KIAA1671: variants seen among roughly 807,000 people sequenced by gnomAD.
KIAA1671 encodes KIAA1671, also known as uncharacterized protein KIAA1671.
KIAA1671 carries 52 observed loss-of-function variants against 131.2 expected under a neutral mutation model. The observed-to-expected ratio is 0.40, with a 90% CI of 0.32 to 0.50. The LOEUF is 0.50. Among genes scored for constraint, KIAA1671 ranks in the 20% least tolerant of loss-of-function variants. KIAA1671 has a pLI of 0.73. For missense variants in KIAA1671, 2,360 were observed against 2,364.2 expected (o/e 1.00, Z 0.04); for synonymous variants, 1,003 against 961.6 (o/e 1.04, Z -0.80).
chr22:25,096,399 A>C (rs922303756), intron 6 of KIAA1671, among the ~76,000 whole-genome samples: 2 of 152,124 alleles, frequency 1.3e-5, no homozygotes, highest in South Asian at 2.1e-4. Context: ...ACTCGTCCTC[A>C]GCTACGTAGG....
chr22:25,025,343 G>A (rs1045755658), intron 1 of KIAA1671, among the ~76,000 whole-genome samples: 7 of 152,134 alleles, frequency 4.6e-5, no homozygotes, highest in African/African-American at 1.7e-4. Flanking sequence ...AGAAGACTGT[G>A]AGTTGCATGG....
chr22:25,067,172 T>C (rs78234025), intron 6 of KIAA1671, among the ~76,000 whole-genome samples: 2,476 of 151,666 alleles, frequency 0.016, 24 homozygotes, highest in Middle Eastern at 0.037. Context: ...GACTTGGGGG[T>C]CTCCATTGTT....
At chr22:25,191,145 C>CTTT (rs142339652) in intron 12 of KIAA1671, among the ~76,000 whole-genome samples, 2,183 of 128,990 alleles carry the variant, frequency 0.017, 35 homozygotes, top group Middle Eastern at 0.03. Flanking sequence ...GAAATGGTTA[C>CTTT]TTTTTTTTTT....
chr22:24,967,081 G>A (rs1191101266), intron 1 of KIAA1671, among the ~76,000 whole-genome samples: 1 of 152,078 alleles, frequency 6.6e-6, no homozygotes, highest in African/African-American at 2.4e-5. Flanking sequence ...TTTTTTACAG[G>A]AGGACAAGGA....
At chr22:25,181,677 A>G (rs1301328553) in intron 9 of KIAA1671, 22 bp from the exon 10 acceptor site, 2 of 1,551,104 alleles carry the variant, frequency 1.3e-6, no homozygotes, top group African/African-American at 1.4e-5. Flanking sequence ...TGATGAATTC[A>G]GTGCCCTTTT....
At chr22:25,002,955 A>G (rs906287213) in intron 1 of KIAA1671, among the ~76,000 whole-genome samples, 1 of 152,128 alleles carries the variant, frequency 6.6e-6, no homozygotes, top group Non-Finnish European at 1.5e-5. Context: ...TAATTTTTGT[A>G]GAGATGGGAT....
At chr22:25,035,918 A>G (rs1360310316) in intron 4 of KIAA1671, among the ~76,000 whole-genome samples, 23 of 152,172 alleles carry the variant, frequency 1.5e-4, no homozygotes, top group Non-Finnish European at 3.4e-4. Flanking sequence ...TAAAATACAC[A>G]TAACAGGCTG....
intron 6 of KIAA1671, among the ~76,000 whole-genome samples, chr22:25,159,431 A>G (rs1933361862): frequency 2.0e-5 from 3 of 152,228 alleles, no homozygotes; most frequent in Middle Eastern, 3.4e-3. Flanking sequence ...AGGTCCAGGG[A>G]GATACTGGGG....
intron 6 of KIAA1671, among the ~76,000 whole-genome samples, chr22:25,111,221 T>A (rs1931325244): frequency 6.6e-6 from 1 of 152,176 alleles, no homozygotes; most frequent in Admixed American, 6.5e-5. Flanking sequence ...ATCGCCGACA[T>A]ACACGCACAC....
In KIAA1671 at chr22:25,049,342, A is replaced by G. The variant is rs1927409721; in HGVS notation, c.4508A>G (p.Asp1503Gly). ...VPWRSHSFCK[D>G]RRSGPFVDQL... The stretch of plus-strand genomic sequence containing the variant: ...TGGAGAAGCCACAGCTTCTGCAAAG[A>G]CAGGAGGAGTGGGCCCTTTGTGGTG... Residue 1503 changes from aspartate to glycine, a missense_variant, in exon 6 of 13, where the codon GAC (aspartate) becomes GGC (glycine). By Grantham distance (94) the Asp-to-Gly change is moderately conservative. This residue lies in a region of KIAA1671 where 1,161 missense variants were observed against 1,204.7 expected (regional missense o/e 0.96). Coordinates refer to ENST00000358431, the MANE Select transcript of KIAA1671 (RefSeq NM_001145206.2). 5 of 1,551,284 alleles carry G rather than the reference A, an allele frequency of 3.2e-6. No individual in the cohort carries two copies. The East Asian group carries it at 1.2e-4, about 38-fold the overall frequency.
intron 6 of KIAA1671, among the ~76,000 whole-genome samples, chr22:25,067,943 G>C (rs1928571114): frequency 6.6e-6 from 1 of 152,276 alleles, no homozygotes; most frequent in African/African-American, 2.4e-5. Context: ...AGTCAGCCAG[G>C]ACACGCAGCG....
intron 6 of KIAA1671, among the ~76,000 whole-genome samples, chr22:25,164,948 GAA>G (rs71322730): frequency 1.1e-5 from 1 of 89,690 alleles, no homozygotes; most frequent in South Asian, 3.8e-4. Flanking sequence ...ACTGTCTCGG[GAA>G]AAAAAAAAAA....
intron 1 of KIAA1671, among the ~76,000 whole-genome samples, chr22:25,020,028 A>G (rs900354606): frequency 6.6e-6 from 1 of 152,134 alleles, no homozygotes; most frequent in Non-Finnish European, 1.5e-5. Context: ...TGTGCATATA[A>G]CTTTTCTTTT....
rs142671952 is a variant in KIAA1671 at position 25,092,374 on chromosome 22, G to A, written c.4530+43010G>A. Among the ~76,000 whole-genome samples the A allele has an allele frequency of 1.4e-4, 22 of 152,334 alleles. No individual in the cohort carries two copies. The East Asian group carries it at 4.1e-3, about 28-fold the overall frequency. On this transcript the variant is annotated intron_variant, in intron 6 of 12. Transcript: ENST00000358431. ...TGGGAACAAGCTGAGACAGGTTGAG[G>A]CATAGTAAGGCCAATATTGCCAGCC... is the stretch of plus-strand genomic sequence containing the variant.
At chr22:24,981,769 G>C (rs528496394) in intron 1 of KIAA1671, among the ~76,000 whole-genome samples, 2 of 152,308 alleles carry the variant, frequency 1.3e-5, no homozygotes, top group South Asian at 4.1e-4. Flanking sequence ...TTAGCTGGGT[G>C]TGATGGCATG....
intron 6 of KIAA1671, among the ~76,000 whole-genome samples, chr22:25,106,289 A>G (rs1483843012): frequency 6.6e-6 from 1 of 151,900 alleles, no homozygotes; most frequent in Non-Finnish European, 1.5e-5. Context: ...AGGCAAGGAG[A>G]CCTGAGTGTT....
At chr22:24,997,800 G>A (rs560522366) in intron 1 of KIAA1671, among the ~76,000 whole-genome samples, 1 of 152,256 alleles carries the variant, frequency 6.6e-6, no homozygotes, top group East Asian at 1.9e-4. Flanking sequence ...TATACAAGAT[G>A]TAATCACGCA....
chr22:25,181,573 C>G, intron 9 of KIAA1671, 126 bp from the exon 10 acceptor site: 2 of 1,139,286 alleles, frequency 1.8e-6, no homozygotes, highest in Non-Finnish European at 2.5e-6. Context: ...GTAAAATGGG[C>G]CATAGCGTCT....
rs988848234 is a variant in KIAA1671, at chr22:25,132,396, G to T, written c.4531-38424G>T. On this transcript the variant is annotated intron_variant, in intron 6 of 12. Transcript: ENST00000358431. ...GGCTGAGACCCACTGGGGTCAGGGGGCATAGCAGAAAGAACACAGGCTGTG... is the reference window on the plus strand; with the variant it reads ...GGCTGAGACCCACTGGGGTCAGGGGTCATAGCAGAAAGAACACAGGCTGTG... Among the ~76,000 whole-genome samples the T allele has an allele frequency of 9.9e-5, 15 of 152,266 alleles. No individual in the cohort carries two copies. The East Asian group carries it at 2.7e-3, about 27-fold the overall frequency.
Sources: gnomAD v4.1 joint callset for allele counts (sites outside exome capture counted in the v4.1 genomes callset) on GRCh38, gnomAD v4.1.1 for gene constraint, gnomAD v4.1.1 regional missense constraint, MANE v1.5 for transcripts, NCBI Gene and HGNC (gene_info 2026-07-23, HGNC 2026-07-21) for gene names.